Variants in RGPD3 observed in about 807,000 individuals in gnomAD.
RGPD3 encodes ranBP2-like and GRIP domain-containing protein 3.
RGPD3 carries 62 observed loss-of-function variants against 154.5 expected under a neutral mutation model. That is an observed-to-expected ratio of 0.40 (90% CI 0.33 to 0.50). The LOEUF (loss-of-function observed/expected upper bound fraction) is 0.50, where lower values mean the gene tolerates loss of function less well. Among genes scored for constraint, RGPD3 ranks in the 20% least tolerant of loss-of-function variants. RGPD3 has a pLI of 0.59. For synonymous variants in RGPD3, 308 were observed against 607.0 expected, an observed-to-expected ratio of 0.51 and a Z score of 7.24; for missense variants, 919 against 1,716.8, an observed-to-expected ratio of 0.54 and a Z score of 8.21.
chr2:106,458,727 T>TA (rs57559694), intron 2 of RGPD3, among the ~76,000 whole-genome samples: 650 of 36,346 alleles, frequency 0.018, 11 homozygotes, highest in Non-Finnish European at 0.024. Context: ...AGATACTGCC[T>TA]AAAAAAAAAA....
intron 18 of RGPD3, among the ~76,000 whole-genome samples, chr2:106,427,586 AT>A (rs1418655176): frequency 1.4e-5 from 2 of 144,902 alleles, no homozygotes; most frequent in Non-Finnish European, 3.0e-5. Context: ...TTGGCAAAGG[AT>A]TTTATAAACT....
Position 106,403,548 on chromosome 2 carries a change from T to C in RGPD3, c.*1671A>G, listed in dbSNP as rs1676423152. 6.6e-6 allele frequency among the ~76,000 whole-genome samples: 1 copy of C among 152,270 alleles called. No homozygotes were observed. The highest frequency in any genetic ancestry group is 2.1e-4 in the South Asian group (1 of 4,838). ...TGTTATGACATTTGTAAGTGGAGAC[T>C]ATATTTCAAAACAAGTTTATACAGA... On this transcript the variant is annotated 3_prime_UTR_variant, in exon 23 of 23. Transcript: ENST00000409886.
chr2:106,467,055 C>T lies in RGPD3; in HGVS notation c.72+1162G>A, dbSNP rs1462089204. 7.3e-4 allele frequency among the ~76,000 whole-genome samples: 90 copies of T among 123,800 alleles called. 3 individuals carry two copies. Among genetic ancestry groups the T allele is most frequent in the African/African-American group, 2.3e-3 (83 of 36,650 alleles). 81.2% of individuals were successfully genotyped at this position (123,800 alleles called of 152,430 possible). A position where few individuals can be genotyped will look rare whatever the true frequency, so the allele number is the denominator to read the frequency against. On this transcript the variant is annotated intron_variant, in intron 1 of 22. Transcript: ENST00000409886. ...AACAGAGCGCGCCAGGTAACAGCGC[C>T]GGTCGGGAGCCATGACGCCTGAGCC...
rs1475625805 is a variant in RGPD3, at chr2:106,447,619, A to T, written c.783-6T>A. On this transcript the variant is annotated splice_region_variant and splice_polypyrimidine_tract_variant and intron_variant, in intron 6 of 22. Transcript: ENST00000409886. ...ACTGAAGAGCACTATCAAAACTGTAATATGAAAATATCAAACAGATGATAC... is the reference window on the plus strand; with the variant it reads ...ACTGAAGAGCACTATCAAAACTGTATTATGAAAATATCAAACAGATGATAC... 13 of 137,502 alleles carry T rather than the reference A, an allele frequency of 9.5e-5. No individual in the cohort carries two copies. Among genetic ancestry groups the T allele is most frequent in the Non-Finnish European group, 2.5e-5 (2 of 79,116 alleles). The allele number at this position is 137,502 out of a possible 1,614,324, so 8.5% of individuals were successfully genotyped here. A position where few individuals can be genotyped will look rare whatever the true frequency, so the allele number is the denominator to read the frequency against.
At chr2:106,448,208 A>C (rs1470917644) in intron 6 of RGPD3, among the ~76,000 whole-genome samples, 1 of 151,916 alleles carries the variant, frequency 6.6e-6, no homozygotes, top group Non-Finnish European at 1.5e-5. Flanking sequence ...CCCAGGTTCA[A>C]GTGATTCTCC....
rs1431738666 is a variant in RGPD3, at chr2:106,425,040, G to C, written c.2927C>G (p.Ala976Gly). The C allele has an allele frequency of 1.2e-6, 2 of 1,611,794 alleles. No individual in the cohort carries two copies. Among genetic ancestry groups the C allele is most frequent in the African/African-American group, 1.3e-5 (1 of 74,894 alleles). Residue 976 changes from alanine to glycine, a missense_variant, in exon 20 of 23, where the codon GCA becomes GGA. Transcript: ENST00000409886. ...TSSTFTFADV[A>G]KSTSGEGFQF... The stretch of plus-strand genomic sequence containing the variant: ...AAATCCTTCTCCTGAAGTTGATTTT[G>C]CAACATCTGCAAATGTAAAAGTGCT...
intron 18 of RGPD3, among the ~76,000 whole-genome samples, chr2:106,429,073 C>A (rs1036163668): frequency 2.0e-5 from 3 of 152,012 alleles, no homozygotes; most frequent in Non-Finnish European, 4.4e-5. Context: ...CACACCCACA[C>A]CCACCTGCAC....
chr2:106,421,656 T>G (rs190235453), intron 20 of RGPD3, among the ~76,000 whole-genome samples: 1 of 152,250 alleles, frequency 6.6e-6, no homozygotes, highest in East Asian at 1.9e-4. Flanking sequence ...TGCTGGCTGT[T>G]AAAAACGGGG....
chr2:106,442,496 T>TG (rs376863123), intron 7 of RGPD3, among the ~76,000 whole-genome samples: 27,366 of 82,154 alleles, frequency 0.33, 3,425 homozygotes, highest in South Asian at 0.43. Context: ...CAATAACCTA[T>TG]GAAAAAAAAA....
rs762061952 is a variant in RGPD3, at chr2:106,425,106, C to T, written c.2861G>A (p.Gly954Asp). The change falls in exon 20 of 23, where the codon GGC (glycine) becomes GAC (aspartate). Residue 954 changes from glycine (G) to aspartate (D), a missense_variant. Coordinates refer to ENST00000409886, the MANE Select transcript of RGPD3 (RefSeq NM_001144013.2). ...AATCACACCACGGCCCTTCTTCCGG[C>T]CACTAATATCCTGAGCCTGTAAGCC... The part of the protein sequence containing the change: ...DTGLQAQDIS[G>D]RKKGRGVIFG... The T allele has an allele frequency of 1.1e-5, 17 of 1,611,934 alleles. No homozygotes were observed. Among genetic ancestry groups the T allele is most frequent in the South Asian group, 4.4e-5 (4 of 90,978 alleles).
intron 21 of RGPD3, among the ~76,000 whole-genome samples, 171 bp downstream of exon 21, chr2:106,415,674 CAAAAA>C (rs879163469): frequency 4.5e-4 from 20 of 44,748 alleles, no homozygotes; most frequent in Admixed American, 2.2e-3. Context: ...AAGACTGTCT[CAAAAA>C]AAAAAAAAAA....
rs1393149053 is a variant in RGPD3 at position 106,417,754 on chromosome 2, A to C, written c.4925-1765T>G. Among the ~76,000 whole-genome samples the C allele has an allele frequency of 3.3e-5, 5 of 151,330 alleles. No homozygotes were observed. The East Asian group carries it at 7.7e-4, about 23-fold the overall frequency. On this transcript the variant is annotated intron_variant, in intron 20 of 22. Transcript: ENST00000409886. ...TTACAGAGGTACACAAAATGAAAAT[A>C]TCAAATGATAAGAGTAGAGGAATTA...
intron 7 of RGPD3, among the ~76,000 whole-genome samples, chr2:106,441,671 A>G (rs1473675797): frequency 6.7e-6 from 1 of 149,946 alleles, no homozygotes; most frequent in Non-Finnish European, 1.5e-5. Context: ...CCTGGCCAAC[A>G]TGGTGAAACA....
intron 7 of RGPD3, among the ~76,000 whole-genome samples, chr2:106,443,684 CCT>C (rs1491091034): frequency 8.9e-6 from 1 of 111,956 alleles, no homozygotes; most frequent in East Asian, 2.2e-4. Context: ...TTCACTATTT[CCT>C]TTTTTTTTTT....
chr2:106,465,310 A>G (rs1341141507), intron 1 of RGPD3, among the ~76,000 whole-genome samples: 1 of 152,226 alleles, frequency 6.6e-6, no homozygotes, highest in East Asian at 1.9e-4. Context: ...GTTACTCACT[A>G]GTTAATCCAT....
In RGPD3 at chr2:106,449,783, C is replaced by T. The variant is rs28800484; in HGVS notation, c.783-2170G>A. ...CTGTAATCCCAGCACTTTGGGAGGCCGAGGCAGGCGGATCACAAGGTCAGG... is the reference window on the plus strand; with the variant it reads ...CTGTAATCCCAGCACTTTGGGAGGCTGAGGCAGGCGGATCACAAGGTCAGG... On this transcript the variant is annotated intron_variant, in intron 6 of 22. Coordinates refer to ENST00000409886, the MANE Select transcript of RGPD3 (RefSeq NM_001144013.2). Among the ~76,000 whole-genome samples, 101 of 140,294 alleles carry T rather than the reference C, an allele frequency of 7.2e-4. 1 individual carries two copies. The highest frequency in any genetic ancestry group is 4.4e-3 in the South Asian group (19 of 4,294). 92.0% of individuals were successfully genotyped at this position (140,294 alleles called of 152,430 possible).
At chr2:106,446,802 A>C (rs1213961393) in intron 7 of RGPD3, among the ~76,000 whole-genome samples, 1 of 151,872 alleles carries the variant, frequency 6.6e-6, no homozygotes, top group African/African-American at 2.4e-5. Context: ...GAATCACTTG[A>C]ACCCAGGAGG....
At chr2:106,412,776 T>G (rs1243652578) in intron 22 of RGPD3, 1 of 539,442 alleles carries the variant, frequency 1.9e-6, no homozygotes, top group Non-Finnish European at 3.5e-6. Context: ...AAGTAGAATT[T>G]AAAACAAAAC....
upstream of RGPD3, among the ~76,000 whole-genome samples, chr2:106,468,633 C>G (rs896622349): frequency 5.3e-5 from 8 of 151,798 alleles, no homozygotes; most frequent in Admixed American, 5.2e-4. Flanking sequence ...TGGTGAAAGC[C>G]CATCTCTACT....
Sources: allele counts gnomAD v4.1 joint callset (sites outside exome capture counted in the v4.1 genomes callset), GRCh38; gene constraint gnomAD v4.1.1; transcripts MANE v1.5; gene names NCBI Gene and HGNC (gene_info 2026-07-23, HGNC 2026-07-21).